The following USH2A variants were observed in gnomAD, a reference collection of about 807,000 sequenced individuals.
USH2A encodes the protein Usher syndrome 2A (autosomal recessive, mild).
Under a neutral mutation model 538.9 loss-of-function variants are expected in USH2A, and 443 were observed. That is an observed-to-expected ratio of 0.82 (90% CI 0.76 to 0.89). The LOEUF (loss-of-function observed/expected upper bound fraction) is 0.89. Ranked by LOEUF, USH2A falls within the 40% of genes least tolerant of loss-of-function variation. The pLI is 0.00. For synonymous variants in USH2A, 2,413 were observed against 2,273.5 expected (o/e 1.06, Z -1.75); for missense variants, 6,633 against 6,324.8 (o/e 1.05, Z -1.65).
chr1:215,633,718 T>A (rs1656385998), intron 70 of USH2A, among the ~76,000 whole-genome samples: 1 of 152,156 alleles, frequency 6.6e-6, no homozygotes, highest in Non-Finnish European at 1.5e-5. Context: ...AACAGATGGG[T>A]ACCTGATGAG....
At position 215,993,722 on chromosome 1, in the gene USH2A, A is replaced by G. The variant is rs1259714480; in HGVS notation, c.6658-555T>C. ...TTAAATAAAACAATGTTTCTCATAA[A>G]ACAACAAATACAAAGCAATTTTTGA... is the stretch of plus-strand genomic sequence containing the variant. On this transcript the variant is annotated intron_variant, in intron 34 of 71. Coordinates refer to ENST00000307340, the MANE Select transcript of USH2A (RefSeq NM_206933.4). Among the ~76,000 whole-genome samples, 4 of 152,346 alleles carry G rather than the reference A, an allele frequency of 2.6e-5. No individual in the cohort carries two copies. The East Asian group carries it at 5.8e-4, about 22-fold the overall frequency.
At chr1:215,627,437 C>CCTTCT (rs1558027487) in intron 71 of USH2A, among the ~76,000 whole-genome samples, 20 of 50,764 alleles carry the variant, frequency 3.9e-4, no homozygotes, top group South Asian at 2.1e-3. Context: ...TCCTTCCTTC[C>CCTTCT]TTCCTTCCTT....
At position 215,648,658 on chromosome 1, in the gene USH2A, G is replaced by A; in HGVS notation, c.14452C>T (p.Pro4818Ser). ...CTCFNCCSKG[P>S]TAELRTHPAP... ...GGATGGGTTCTCAGTTCAGCTGTCG[G>A]TCCTTTGCTGCAACAGTTGAAGCAG... The change falls in exon 66 of 72, where the codon CCG becomes TCG. Residue 4818 changes from proline (P) to serine (S), a missense_variant. Coordinates refer to ENST00000307340, the MANE Select transcript of USH2A (RefSeq NM_206933.4). 6.2e-7 allele frequency: 1 copy of A among 1,614,206 alleles called. No homozygotes were observed. Among genetic ancestry groups the A allele is most frequent in the Non-Finnish European group, 8.5e-7 (1 of 1,180,026 alleles).
chr1:216,061,786 T>G (rs903609572), intron 30 of USH2A, among the ~76,000 whole-genome samples: 1 of 152,126 alleles, frequency 6.6e-6, no homozygotes, highest in Admixed American at 6.6e-5. Context: ...AATGGACTGT[T>G]AGAAGGAAAG....
Position 215,912,779 on chromosome 1 carries a change from T to C in USH2A, c.7301-11874A>G, listed in dbSNP as rs79190248. On this transcript the variant is annotated intron_variant, in intron 38 of 71. Transcript: ENST00000307340. Reference sequence around the variant, plus strand: ...AGGTAATAAGCTTAGTACCCAAAGGTTATTTTTTCTGTTCCTCTCCATCTT... The same window carrying C: ...AGGTAATAAGCTTAGTACCCAAAGGCTATTTTTTCTGTTCCTCTCCATCTT... Among the ~76,000 whole-genome samples the C allele has an allele frequency of 9.0e-3, 1,376 of 152,128 alleles. 16 individuals are homozygous for C. Among genetic ancestry groups the C allele is most frequent in the African/African-American group, 0.031 (1,304 of 41,518 alleles).
intron 14 of USH2A, 23 bp from the exon 15 acceptor site, chr1:216,217,573 A>G: frequency 1.2e-6 from 2 of 1,611,618 alleles, no homozygotes; most frequent in Non-Finnish European, 8.5e-7. Context: ...CAAATAAACC[A>G]TCAAAGAGAA....
intron 36 of USH2A, among the ~76,000 whole-genome samples, chr1:215,969,548 C>CTT (rs1203543611): frequency 1.7e-4 from 25 of 143,236 alleles, no homozygotes; most frequent in African/African-American, 5.3e-4. Flanking sequence ...GTTTCTTTTT[C>CTT]TTTTTTTTTT....
At chr1:215,884,568 T>C (rs1369759320) in intron 41 of USH2A, among the ~76,000 whole-genome samples, 7 of 152,228 alleles carry the variant, frequency 4.6e-5, no homozygotes, top group Non-Finnish European at 1.0e-4. Context: ...ACAGTTGTAG[T>C]AAGAATTAAA....
intron 37 of USH2A, among the ~76,000 whole-genome samples, chr1:215,938,726 T>A (rs11584811): frequency 0.042 from 6,370 of 152,228 alleles, 179 homozygotes; most frequent in Admixed American, 0.065. Context: ...CCAAGCACTG[T>A]GATTTGAAGT....
At chr1:215,982,718 C>T (rs35371249) in intron 35 of USH2A, among the ~76,000 whole-genome samples, 3,018 of 152,216 alleles carry the variant, frequency 0.02, 95 homozygotes, top group African/African-American at 0.069. Context: ...GTGTTGCATG[C>T]TGGTAATACA....
intron 37 of USH2A, among the ~76,000 whole-genome samples, chr1:215,961,834 A>C (rs564303873): frequency 1.2e-4 from 18 of 152,056 alleles, no homozygotes; most frequent in African/African-American, 4.1e-4. Context: ...TGACCCATAC[A>C]TGACATATTA....
chr1:216,129,443 T>G (rs2033323479), intron 21 of USH2A, among the ~76,000 whole-genome samples: 1 of 151,836 alleles, frequency 6.6e-6, no homozygotes, highest in Non-Finnish European at 1.5e-5. Flanking sequence ...AAAGAAATAA[T>G]TAAAGTAATC....
intron 3 of USH2A, among the ~76,000 whole-genome samples, chr1:216,416,768 C>A (rs1374934077): frequency 1.3e-5 from 2 of 152,102 alleles, no homozygotes; most frequent in East Asian, 3.9e-4. Context: ...TGTACTACTG[C>A]CTGCCAAAAC....
At chr1:216,144,340 T>C (rs1203107258) in intron 21 of USH2A, among the ~76,000 whole-genome samples, 1 of 151,952 alleles carries the variant, frequency 6.6e-6, no homozygotes, top group African/African-American at 2.4e-5. Context: ...GACTGCAGGG[T>C]TTTTTGCTTT....
chr1:215,665,714 A>G, intron 64 of USH2A, among the ~76,000 whole-genome samples: 1 of 152,208 alleles, frequency 6.6e-6, no homozygotes, highest in Non-Finnish European at 1.5e-5. Context: ...GGAGGTTCAC[A>G]CTGCATGTAT....
intron 9 of USH2A, among the ~76,000 whole-genome samples, chr1:216,321,434 TA>T (rs1400843879): frequency 1.3e-5 from 2 of 152,206 alleles, no homozygotes; most frequent in Non-Finnish European, 2.9e-5. Context: ...TGCCTGATAT[TA>T]GCAATAAATG....
chr1:216,362,997 AT>A (rs1478709311), intron 4 of USH2A, among the ~76,000 whole-genome samples: 8 of 151,412 alleles, frequency 5.3e-5, no homozygotes, highest in East Asian at 1.9e-4. Flanking sequence ...TAGTTTAGTA[AT>A]TTTTTTCAAT....
intron 61 of USH2A, among the ~76,000 whole-genome samples, chr1:215,693,154 T>A (rs1480824300): frequency 1.0e-5 from 1 of 97,338 alleles, no homozygotes; most frequent in African/African-American, 4.4e-5. Context: ...ACATATGTAT[T>A]TTTTTTTGTG....
intron 40 of USH2A, among the ~76,000 whole-genome samples, chr1:215,895,269 A>G (rs926927055): frequency 4.6e-5 from 7 of 152,176 alleles, no homozygotes; most frequent in Admixed American, 2.6e-4. Context: ...CACCTACTCT[A>G]TATCAGACCC....
Sources: allele counts gnomAD v4.1 joint callset (sites outside exome capture counted in the v4.1 genomes callset), GRCh38; gene constraint gnomAD v4.1.1; transcripts MANE v1.5; gene names NCBI Gene and HGNC (gene_info 2026-07-23, HGNC 2026-07-21).